MAPK9: variants seen among roughly 807,000 people sequenced by gnomAD.
MAPK9 encodes mitogen-activated protein kinase 9, also known as Jun kinase.
Under a neutral mutation model 57.1 loss-of-function variants are expected in MAPK9, and 30 were observed. The ratio of observed to expected loss-of-function variants is 0.53; its 90% CI spans 0.39 to 0.71. The LOEUF (loss-of-function observed/expected upper bound fraction) is 0.71, where lower values mean the gene tolerates loss of function less well. Among genes scored for constraint, MAPK9 ranks in the 30% least tolerant of loss-of-function variants. The pLI, the probability that MAPK9 is intolerant of heterozygous loss-of-function variation, is 0.00. For synonymous variants in MAPK9, 155 were observed against 177.0 expected, an observed-to-expected ratio of 0.88 and a Z score of 0.99; for missense variants, 362 against 521.0, an observed-to-expected ratio of 0.69 and a Z score of 2.97.
At chr5:180,243,465 C>T (rs1410296575) in intron 7 of MAPK9, among the ~76,000 whole-genome samples, 1 of 152,162 alleles carries the variant, frequency 6.6e-6, no homozygotes, top group African/African-American at 2.4e-5. Context: ...GCCTATTCCA[C>T]AGGGTGCTTG....
At chr5:180,284,128 T>C (rs1762537108) in intron 1 of MAPK9, among the ~76,000 whole-genome samples, 1 of 152,212 alleles carries the variant, frequency 6.6e-6, no homozygotes, top group South Asian at 2.1e-4. Flanking sequence ...GTCAACTCTA[T>C]TGAGATGATA....
Position 180,269,467 on chromosome 5 carries a change from T to C in MAPK9, c.123-58A>G, listed in dbSNP as rs922250797. On this transcript the variant is annotated intron_variant, in intron 2 of 11. Coordinates refer to ENST00000452135, the MANE Select transcript of MAPK9 (RefSeq NM_002752.5). Reference sequence around the variant, plus strand: ...AGAACGGTTTTGGAAAATACAGCAATGCCAGAATATACATTGAATATATCA... The same window carrying C: ...AGAACGGTTTTGGAAAATACAGCAACGCCAGAATATACATTGAATATATCA... 2.0e-6 allele frequency: 3 copies of C among 1,472,034 alleles called. No homozygotes were observed. The African/African-American group carries it at 4.2e-5, about 20-fold the overall frequency. The allele number at this position is 1,472,034 out of a possible 1,614,324, so 91.2% of individuals were successfully genotyped here. A position where few individuals can be genotyped will look rare whatever the true frequency, so the allele number is the denominator to read the frequency against.
In MAPK9 at chr5:180,242,449, C is replaced by T. The variant is rs1265854939; in HGVS notation, c.871+124G>A. The T allele has an allele frequency of 3.5e-6, 3 of 845,480 alleles. No individual in the cohort carries two copies. In the East Asian group the frequency reaches 7.8e-5, roughly 22 times the overall value. The allele number at this position is 845,480 out of a possible 1,614,324, so 52.4% of individuals were successfully genotyped here. On this transcript the variant is annotated intron_variant, in intron 8 of 11. Transcript: ENST00000452135. ...CTTTCTCTCCTCAGTGCCTTCGTAC[C>T]TCAGACTTCAGGCCTAAAATGACTT...
At chr5:180,267,435 A>C (rs190929470) in intron 3 of MAPK9, among the ~76,000 whole-genome samples, 3 of 151,394 alleles carry the variant, frequency 2.0e-5, no homozygotes, top group Non-Finnish European at 2.9e-5. Flanking sequence ...GGTGGCGGGC[A>C]CCTGTAGTCC....
chr5:180,263,753 T>C (rs951956074), intron 4 of MAPK9, among the ~76,000 whole-genome samples: 3 of 146,418 alleles, frequency 2.0e-5, no homozygotes. Flanking sequence ...TCGCCCTGGC[T>C]GGAGTGCAGT....
At chr5:180,280,839 G>A (rs971748863) in intron 1 of MAPK9, among the ~76,000 whole-genome samples, 22 of 152,106 alleles carry the variant, frequency 1.4e-4, no homozygotes, top group African/African-American at 4.1e-4. Context: ...CACTTTAAGG[G>A]GCTGGACTAG....
At chr5:180,273,464 C>T (rs571747696) in intron 2 of MAPK9, among the ~76,000 whole-genome samples, 13 of 152,106 alleles carry the variant, frequency 8.5e-5, no homozygotes, top group African/African-American at 3.1e-4. Context: ...TGGCCTCAAG[C>T]GATCCTCCCA....
Position 180,280,572 on chromosome 5 carries a change from C to T in MAPK9, c.-11G>A. The stretch of plus-strand genomic sequence containing the variant: ...TTTACTGTCGCTCATGATGCAGCGT[C>T]CTGCAATATCCCGAAGGGTGGGCAA... On this transcript the variant is annotated 5_prime_UTR_variant, in exon 2 of 12. Transcript: ENST00000452135. 6.2e-7 allele frequency: 1 copy of T among 1,610,960 alleles called. No homozygotes were observed. The highest frequency in any genetic ancestry group is 8.5e-7 in the Non-Finnish European group (1 of 1,178,856).
rs1466941482 is a variant in MAPK9 at position 180,270,868 on chromosome 5, A to AAAAAAAAG, written c.123-1460_123-1459insCTTTTTTT. Among the ~76,000 whole-genome samples, 13 of 137,566 alleles carry AAAAAAAAG rather than the reference A, an allele frequency of 9.5e-5. 1 individual carries two copies. Among genetic ancestry groups the AAAAAAAAG allele is most frequent in the African/African-American group, 4.0e-4 (13 of 32,422 alleles). 90.2% of individuals were successfully genotyped at this position (137,566 alleles called of 152,430 possible). ...TGTTGCCCAGGGTCTCAAAAAAAAA[A>AAAAAAAAG]AAAAAGAAAAAGAAAAAGAAAAAAA... is the stretch of plus-strand genomic sequence containing the variant. On this transcript the variant is annotated intron_variant, in intron 2 of 11. Coordinates refer to ENST00000452135, the MANE Select transcript of MAPK9 (RefSeq NM_002752.5).
At position 180,247,287 on chromosome 5, in the gene MAPK9, C is replaced by T. The variant is rs1318403316; in HGVS notation, c.688+152G>A. The T allele has an allele frequency of 2.7e-6, 2 of 728,988 alleles. No individual in the cohort carries two copies. Among genetic ancestry groups the T allele is most frequent in the East Asian group, 5.5e-5 (2 of 36,530 alleles). The allele number at this position is 728,988 out of a possible 1,614,324, so 45.2% of individuals were successfully genotyped here. A position where few individuals can be genotyped will look rare whatever the true frequency, so the allele number is the denominator to read the frequency against. ...TGAAATTGAACCACTTGGCTTGTGA[C>T]ACTAATTAACAAATACAGTAAAGCC... is the stretch of plus-strand genomic sequence containing the variant. On this transcript the variant is annotated intron_variant, in intron 7 of 11. Coordinates refer to ENST00000452135, the MANE Select transcript of MAPK9 (RefSeq NM_002752.5). This position sits in a 1 kb window ranked among gnomAD's most constrained non-coding sequence, Gnocchi z 4.5.
At chr5:180,242,073 T>C (rs1757715525) in intron 8 of MAPK9, among the ~76,000 whole-genome samples, 1 of 152,240 alleles carries the variant, frequency 6.6e-6, no homozygotes. Context: ...CACCTAGGTT[T>C]TGTCAATTAA....
rs1380892655 is a variant in MAPK9 at position 180,247,372 on chromosome 5, A to G, written c.688+67T>C. 6.3e-7 allele frequency: 1 copy of G among 1,588,400 alleles called. No homozygotes were observed. Among genetic ancestry groups the G allele is most frequent in the South Asian group, 1.1e-5 (1 of 90,482 alleles). ...CTTTGTCCTCGTGAGCGCTCGTGTAAGCAGGTGGTCATGCTGCCTGAGGCA... is the reference window on the plus strand; with the variant it reads ...CTTTGTCCTCGTGAGCGCTCGTGTAGGCAGGTGGTCATGCTGCCTGAGGCA... On this transcript the variant is annotated intron_variant, in intron 7 of 11. Coordinates refer to ENST00000452135, the MANE Select transcript of MAPK9 (RefSeq NM_002752.5). This position sits in a 1 kb window ranked among gnomAD's most constrained non-coding sequence, Gnocchi z 4.5.
At chr5:180,270,470 GAGA>G (rs1189180188) in intron 2 of MAPK9, among the ~76,000 whole-genome samples, 2 of 152,158 alleles carry the variant, frequency 1.3e-5, no homozygotes, top group East Asian at 1.9e-4. Context: ...ATTATAAAAT[GAGA>G]AGGATATATC....
intron 5 of MAPK9, among the ~76,000 whole-genome samples, chr5:180,249,467 C>T (rs1054201934): frequency 6.6e-5 from 10 of 151,964 alleles, no homozygotes; most frequent in African/African-American, 2.4e-4. Context: ...GCTCTCCACG[C>T]CTGGACTTGA....
intron 1 of MAPK9, among the ~76,000 whole-genome samples, chr5:180,290,828 C>T (rs374932869): frequency 6.6e-6 from 1 of 152,346 alleles, no homozygotes; most frequent in East Asian, 1.9e-4. Context: ...TGAATACTTC[C>T]TGTGTGCTTT....
intron 2 of MAPK9, among the ~76,000 whole-genome samples, chr5:180,278,397 C>T (rs959932151): frequency 2.0e-5 from 3 of 152,196 alleles, no homozygotes; most frequent in African/African-American, 7.2e-5. Flanking sequence ...AAATGAAGCA[C>T]GTATTTAAAA....
At chr5:180,248,948 C>T in intron 6 of MAPK9, 25 bp downstream of exon 6, 1 of 1,572,840 alleles carries the variant, frequency 6.4e-7, no homozygotes, top group South Asian at 1.2e-5. Context: ...ACATCCCAGC[C>T]TCTTCCAGCC....
chr5:180,261,920 G>C lies in MAPK9; in HGVS notation c.312-98C>G, dbSNP rs7722704. ...GTAACTTACTTCCAATCACTGCACT[G>C]GCTAAAGTAAAAAGATAACTTGGTA... On this transcript the variant is annotated intron_variant, in intron 4 of 11. Coordinates refer to ENST00000452135, the MANE Select transcript of MAPK9 (RefSeq NM_002752.5). 4,972 of 961,178 alleles carry C rather than the reference G, an allele frequency of 5.2e-3. 32 individuals are homozygous for C. The highest frequency in any genetic ancestry group is 0.016 in the Middle Eastern group (56 of 3,584). 59.5% of individuals were successfully genotyped at this position (961,178 alleles called of 1,614,324 possible).
intron 5 of MAPK9, among the ~76,000 whole-genome samples, chr5:180,260,503 T>C (rs1008269880): frequency 1.7e-4 from 26 of 152,358 alleles, no homozygotes; most frequent in African/African-American, 6.3e-4. Context: ...TATATTGTGT[T>C]TGTCAGTGGC....
Sources: gnomAD v4.1 joint callset for allele counts (sites outside exome capture counted in the v4.1 genomes callset) on GRCh38, gnomAD v4.1.1 for gene constraint, Gnocchi (gnomAD v3.1) non-coding constraint, MANE v1.5 for transcripts, NCBI Gene and HGNC (gene_info 2026-07-23, HGNC 2026-07-21) for gene names.